ZNF483: variants seen among roughly 807,000 people sequenced by gnomAD.
The protein encoded by ZNF483 is zinc finger protein 483, also known as zinc finger protein HIT-10.
In ZNF483, 9 loss-of-function variants were observed where a neutral mutation model predicts 28.6. The observed-to-expected ratio is 0.32, with a 90% confidence interval of 0.19 to 0.55. The LOEUF is 0.55. Ranked by LOEUF, ZNF483 falls within the 20% of genes least tolerant of loss-of-function variation. The probability of loss-of-function intolerance (pLI) is 0.93; values close to 1 mark genes in which losing one functional copy is unlikely to be tolerated. For missense variants in ZNF483, 675 were observed against 871.7 expected (o/e 0.77, Z 2.84); for synonymous variants, 322 against 306.2 (o/e 1.05, Z -0.54).
In ZNF483 at chr9:111,553,167, T is replaced by C. The variant is rs182731889; in HGVS notation, c.*9997T>C. Among the ~76,000 whole-genome samples, 859 of 152,360 alleles carry C rather than the reference T, an allele frequency of 5.6e-3. 4 individuals carry two copies. Among genetic ancestry groups the C allele is most frequent in the Non-Finnish European group, 9.8e-3 (669 of 68,022 alleles). On this transcript the variant is annotated 3_prime_UTR_variant, in exon 6 of 6. Transcript: ENST00000309235. ...GTCTTAAATATTGTCTTAAGTATTA[T>C]CTACTATGTATCTTTAACACTTTTG...
Position 111,547,977 on chromosome 9 carries a change from G to A in ZNF483, c.*4807G>A, listed in dbSNP as rs1329106752. On this transcript the variant is annotated 3_prime_UTR_variant, in exon 6 of 6. Coordinates refer to ENST00000309235, the MANE Select transcript of ZNF483 (RefSeq NM_133464.5). ...TTCTGGCTGTCTGCTCTGTTTCTTT[G>A]GTCTATATGTTTGTCTTTATGCCAG... Among the ~76,000 whole-genome samples, 2 of 151,922 alleles carry A rather than the reference G, an allele frequency of 1.3e-5. No homozygotes were observed. The highest frequency in any genetic ancestry group is 2.9e-5 in the Non-Finnish European group (2 of 67,960).
chr9:111,568,849 A>G (rs1317604729), intron 5 of ZNF483, among the ~76,000 whole-genome samples: 1 of 152,250 alleles, frequency 6.6e-6, no homozygotes, highest in Non-Finnish European at 1.5e-5. Flanking sequence ...CATCCAGGCT[A>G]GAAGGCATGG....
In ZNF483 at chr9:111,570,214, G is replaced by A. The variant is rs182535169; in HGVS notation, c.722-6151G>A. 94 of 1,611,806 alleles carry A rather than the reference G, an allele frequency of 5.8e-5. No homozygotes were observed. In the African/African-American group the frequency reaches 1.0e-3, roughly 17 times the overall value. ...TAACAATCTCTGGGGGTGGGCCTGT[G>A]AAGAGAAGGGCACATTTGGGTGGCA... On this transcript the variant is annotated intron_variant, in intron 5 of 5. Transcript: ENST00000358151.
At chr9:111,531,202 A>G (rs1446606041) in intron 3 of ZNF483, among the ~76,000 whole-genome samples, 1 of 152,054 alleles carries the variant, frequency 6.6e-6, no homozygotes, top group Non-Finnish European at 1.5e-5. Flanking sequence ...GTCTCTAAAA[A>G]AAATAGAATA....
At position 111,549,797 on chromosome 9, in the gene ZNF483, G is replaced by C. The variant is rs1210107226; in HGVS notation, c.*6627G>C. The C allele has an allele frequency of 2.0e-6, 3 of 1,527,652 alleles. No homozygotes were observed. The highest frequency in any genetic ancestry group is 2.5e-5 in the East Asian group (1 of 40,760). 94.6% of individuals were successfully genotyped at this position (1,527,652 alleles called of 1,614,324 possible). ...TTCAATCTTCTTCATTTTCTCTTTT[G>C]ATCTGTCAACACAATCAGAACATTT... On this transcript the variant is annotated 3_prime_UTR_variant, in exon 6 of 6. Transcript: ENST00000309235.
intron 5 of ZNF483, among the ~76,000 whole-genome samples, chr9:111,535,469 C>T (rs1468527243): frequency 6.6e-6 from 1 of 152,184 alleles, no homozygotes; most frequent in Non-Finnish European, 1.5e-5. Context: ...AAATACATGC[C>T]TGAATACATA....
At chr9:111,533,346 T>C (rs537338957) in intron 3 of ZNF483, among the ~76,000 whole-genome samples, 1 of 152,314 alleles carries the variant, frequency 6.6e-6, no homozygotes, top group African/African-American at 2.4e-5. Flanking sequence ...GTAGCTTTCT[T>C]TGGAATTCTT....
intron 5 of ZNF483, chr9:111,539,478 A>G (rs2132250665): frequency 2.2e-6 from 1 of 455,368 alleles, no homozygotes; most frequent in South Asian, 1.6e-5. Flanking sequence ...CAATAAGAGA[A>G]TGAGGCTGGG....
chr9:111,532,425 T>C (rs535163405), intron 3 of ZNF483, among the ~76,000 whole-genome samples: 49 of 152,144 alleles, frequency 3.2e-4, no homozygotes, highest in African/African-American at 1.2e-3. Context: ...CAGGAGGAGA[T>C]TGAAAACACA....
intron 5 of ZNF483, chr9:111,570,174 G>C: frequency 5.6e-6 from 9 of 1,614,034 alleles, no homozygotes; most frequent in Non-Finnish European, 7.6e-6. Flanking sequence ...GCTTCCATGC[G>C]AAGCTCCTGA....
intron 2 of ZNF483, among the ~76,000 whole-genome samples, chr9:111,528,740 G>C (rs138751586): frequency 6.6e-6 from 1 of 152,112 alleles, no homozygotes; most frequent in East Asian, 1.9e-4. Flanking sequence ...TCGCCATCAC[G>C]CAGCTAATTA....
rs1304795856 is a variant in ZNF483 at position 111,527,716 on chromosome 9, G to A, written c.321G>A (p.Glu107=). 19 of 1,614,174 alleles carry A rather than the reference G, an allele frequency of 1.2e-5. No homozygotes were observed. Among genetic ancestry groups the A allele is most frequent in the Non-Finnish European group, 1.5e-5 (18 of 1,180,028 alleles). ...FEQFLTILPG[E]IRIWVKSQHP... is the part of the protein sequence containing the mutation. ...AGTTCCTGACCATTTTGCCTGGGGA[G>A]ATCAGGATTTGGGTAAAGTCACAAC... The change falls in exon 2 of 6, where the codon GAG becomes GAA. Residue 107 remains glutamate (E), a synonymous_variant. Coordinates refer to ENST00000309235, the MANE Select transcript of ZNF483 (RefSeq NM_133464.5).
Position 111,555,354 on chromosome 9 carries a change from C to T in ZNF483, c.*12184C>T, listed in dbSNP as rs75868535. 0.043 allele frequency among the ~76,000 whole-genome samples: 6,611 copies of T among 152,244 alleles called. 193 individuals carry two copies. The highest frequency in any genetic ancestry group is 0.066 in the Non-Finnish European group (4,466 of 68,014). On this transcript the variant is annotated 3_prime_UTR_variant, in exon 6 of 6. Coordinates refer to ENST00000309235, the MANE Select transcript of ZNF483 (RefSeq NM_133464.5). The stretch of plus-strand genomic sequence containing the variant: ...AACTCTTTAGCCTCTGATTTTCTCC[C>T]TACTTCCAGAAAACCTGATGCCTCC...
chr9:111,528,147 T>G, intron 2 of ZNF483: 1 of 956,222 alleles, frequency 1.0e-6, no homozygotes. Flanking sequence ...GTGTTTGGAG[T>G]CACAGGCAAA....
intron 2 of ZNF483, among the ~76,000 whole-genome samples, chr9:111,529,497 G>A (rs952396101): frequency 6.6e-6 from 1 of 152,170 alleles, no homozygotes; most frequent in African/African-American, 2.4e-5. Flanking sequence ...GGAATCTGGT[G>A]GAGTCAACTC....
chr9:111,560,391 G>A (rs567904697), downstream of ZNF483, among the ~76,000 whole-genome samples: 4 of 147,446 alleles, frequency 2.7e-5, no homozygotes, highest in South Asian at 2.2e-4. Context: ...GGAGAATCGC[G>A]TGAACCCTGG....
chr9:111,566,094 T>C (rs1338043366), intron 5 of ZNF483, among the ~76,000 whole-genome samples: 1 of 151,974 alleles, frequency 6.6e-6, no homozygotes, highest in Non-Finnish European at 1.5e-5. Flanking sequence ...TCCCAGCTAC[T>C]TGGGAGGCTG....
chr9:111,552,977 A>G lies in ZNF483; in HGVS notation c.*9807A>G, dbSNP rs1278421377. Among the ~76,000 whole-genome samples the G allele has an allele frequency of 2.0e-5, 3 of 152,168 alleles. No homozygotes were observed. Among genetic ancestry groups the G allele is most frequent in the Non-Finnish European group, 2.9e-5 (2 of 68,036 alleles). Reference sequence around the variant, plus strand: ...TCTCTCCATCTAAGGTTCTTTGTAGATGCATGTGTAAGAAGCTATTTTATA... The same window carrying G: ...TCTCTCCATCTAAGGTTCTTTGTAGGTGCATGTGTAAGAAGCTATTTTATA... On this transcript the variant is annotated 3_prime_UTR_variant, in exon 6 of 6. Coordinates refer to ENST00000309235, the MANE Select transcript of ZNF483 (RefSeq NM_133464.5).
rs777826004 is a variant in ZNF483 at position 111,574,690 on chromosome 9, G to A, written c.722-1675G>A. ...TGGCATATCTGTGAATTTTCTCCTT[G>A]TCCAGCCTTGTGACATATGGGATCG... On this transcript the variant is annotated intron_variant, in intron 5 of 5. Coordinates refer to the ZNF483 transcript ENST00000358151. 3 of 1,397,706 alleles carry A rather than the reference G, an allele frequency of 2.1e-6. No homozygotes were observed. In the South Asian group the frequency reaches 3.8e-5, roughly 18 times the overall value. The allele number at this position is 1,397,706 out of a possible 1,614,324, so 86.6% of individuals were successfully genotyped here.
Sources: allele counts gnomAD v4.1 joint callset (sites outside exome capture counted in the v4.1 genomes callset), GRCh38; gene constraint gnomAD v4.1.1; transcripts MANE v1.5; gene names NCBI Gene and HGNC (gene_info 2026-07-23, HGNC 2026-07-21).